Variants in ERO1B observed in about 807,000 individuals in gnomAD.
The protein encoded by ERO1B is endoplasmic reticulum oxidoreductase 1 beta, also known as ERO1-like protein beta.
In ERO1B, 49 loss-of-function variants were observed where a neutral mutation model predicts 75.3. The ratio of observed to expected loss-of-function variants is 0.65; its 90% CI spans 0.52 to 0.83. ERO1B has a LOEUF of 0.83. Ranked by LOEUF, ERO1B falls within the 40% of genes least tolerant of loss-of-function variation. The pLI, the probability that ERO1B is intolerant of heterozygous loss-of-function variation, is 0.00. For synonymous variants in ERO1B, 191 were observed against 192.9 expected (o/e 0.99, Z 0.08); for missense variants, 512 against 560.1 (o/e 0.91, Z 0.87).
intron 9 of ERO1B, among the ~76,000 whole-genome samples, chr1:236,231,613 C>T (rs4534364): frequency 0.052 from 7,888 of 150,744 alleles, 567 homozygotes; most frequent in East Asian, 0.39. Flanking sequence ...GCACTTCCTG[C>T]GTTACCTATC....
chr1:236,240,895 A>G (rs994745176), intron 6 of ERO1B, among the ~76,000 whole-genome samples: 1 of 152,188 alleles, frequency 6.6e-6, no homozygotes, highest in Non-Finnish European at 1.5e-5. Flanking sequence ...AGTGGCTACT[A>G]TCTTACACAG....
In ERO1B at chr1:236,281,942, A is replaced by C. The variant is rs1665848557; in HGVS notation, c.-159T>G. On this transcript the variant is annotated 5_prime_UTR_variant, in exon 1 of 16. Coordinates refer to ENST00000354619, the MANE Select transcript of ERO1B (RefSeq NM_019891.4). ...GGAGGCAGGCGACTCTTTCCCCAAC[A>C]CCCGGCAGCTGCGAGTGAGGCAGGA... The C allele has an allele frequency of 1.1e-4, 44 of 416,538 alleles. No individual in the cohort carries two copies. The highest frequency in any genetic ancestry group is 6.3e-4 in the Middle Eastern group (1 of 1,596). The allele number at this position is 416,538 out of a possible 1,614,324, so 25.8% of individuals were successfully genotyped here. A position where few individuals can be genotyped will look rare whatever the true frequency, so the allele number is the denominator to read the frequency against.
In ERO1B at chr1:236,218,449, A is replaced by G. The variant is rs1004530837; in HGVS notation, c.*67T>C. 1.1e-5 allele frequency: 15 copies of G among 1,340,682 alleles called. No homozygotes were observed. Among genetic ancestry groups the G allele is most frequent in the Non-Finnish European group, 1.5e-5 (15 of 1,032,638 alleles). 83.0% of individuals were successfully genotyped at this position (1,340,682 alleles called of 1,614,324 possible). A position where few individuals can be genotyped will look rare whatever the true frequency, so the allele number is the denominator to read the frequency against. ...AAGTCAGATTAGTGTCTTTCTGATG[A>G]ATGTCCATAATTAAAAGGCTTTCCA... On this transcript the variant is annotated 3_prime_UTR_variant, in exon 16 of 16. Transcript: ENST00000354619.
intron 2 of ERO1B, among the ~76,000 whole-genome samples, chr1:236,253,788 A>G (rs1665096857): frequency 6.6e-6 from 1 of 152,232 alleles, no homozygotes; most frequent in Non-Finnish European, 1.5e-5. Flanking sequence ...CATTTATTCA[A>G]CAAATAAGAA....
chr1:236,227,523 A>G (rs751726217), intron 10 of ERO1B, among the ~76,000 whole-genome samples: 2 of 152,238 alleles, frequency 1.3e-5, no homozygotes, highest in Non-Finnish European at 2.9e-5. Context: ...TTAAGATGGT[A>G]AATTCTTAAA....
In ERO1B at chr1:236,220,952, C is replaced by A. The variant is rs1386561139; in HGVS notation, c.1223G>T (p.Gly408Val). Residue 408 changes from glycine to valine, a missense_variant, in exon 15 of 16, where the codon GGA becomes GTA. Physicochemically the swap from Gly to Val is moderately radical, Grantham distance 109. Coordinates refer to ENST00000354619, the MANE Select transcript of ERO1B (RefSeq NM_019891.4). ...LWGKLQTQGL[G>V]TALKILFSEK... The stretch of plus-strand genomic sequence containing the variant: ...AGAGAATAATATCTTCAGGGCAGTT[C>A]CTAAACCCTGAGTCTAAAGAAAATA... 2 of 1,560,794 alleles carry A rather than the reference C, an allele frequency of 1.3e-6. No individual in the cohort carries two copies. The highest frequency in any genetic ancestry group is 1.4e-5 in the African/African-American group (1 of 72,372).
In ERO1B at chr1:236,215,928, A is replaced by T. The variant is rs1343875991; in HGVS notation, c.*2588T>A. 1 of 151,864 alleles carries T rather than the reference A, an allele frequency of 6.6e-6. No homozygotes were observed. 9.4% of individuals were successfully genotyped at this position (151,864 alleles called of 1,614,324 possible). ...GGCAGAGTTTCATATACATACAGAGATTACAAATATCGAATAATTCACAAT... is the reference window on the plus strand; with the variant it reads ...GGCAGAGTTTCATATACATACAGAGTTTACAAATATCGAATAATTCACAAT... On this transcript the variant is annotated 3_prime_UTR_variant, in exon 16 of 16. Coordinates refer to ENST00000354619, the MANE Select transcript of ERO1B (RefSeq NM_019891.4).
Position 236,239,825 on chromosome 1 carries a change from G to GTATATATATGTA in ERO1B, c.506-3428_506-3427insTACATATATATA, listed in dbSNP as rs1393984592. Among the ~76,000 whole-genome samples the GTATATATATGTA allele has an allele frequency of 6.1e-4, 31 of 50,810 alleles. 2 individuals carry two copies. Among genetic ancestry groups the GTATATATATGTA allele is most frequent in the Non-Finnish European group, 9.9e-4 (16 of 16,188 alleles). 33.3% of individuals were successfully genotyped at this position (50,810 alleles called of 152,430 possible). The stretch of plus-strand genomic sequence containing the variant: ...TATATATGTGTGTATATATATATGT[G>GTATATATATGTA]TATATATATGTGTATATATATATGT... On this transcript the variant is annotated intron_variant, in intron 6 of 15. Transcript: ENST00000354619.
intron 10 of ERO1B, among the ~76,000 whole-genome samples, chr1:236,229,815 T>C (rs911700537): frequency 6.6e-6 from 1 of 152,214 alleles, no homozygotes; most frequent in African/African-American, 2.4e-5. Flanking sequence ...GTGGCAAATA[T>C]GTTTCGAATC....
intron 2 of ERO1B, among the ~76,000 whole-genome samples, chr1:236,255,996 C>G (rs909755490): frequency 6.6e-6 from 1 of 152,208 alleles, no homozygotes; most frequent in African/African-American, 2.4e-5. Context: ...TGGCCTCTAA[C>G]AAGCCAGTAT....
chr1:236,281,600 C>G (rs7368497), intron 1 of ERO1B, 82 bp downstream of exon 1: 147 of 580,198 alleles, frequency 2.5e-4, no homozygotes, highest in Non-Finnish European at 3.1e-4. Flanking sequence ...GCCCGGCCCT[C>G]CCCGCGTCAC....
intron 2 of ERO1B, among the ~76,000 whole-genome samples, chr1:236,269,480 G>A (rs1345865626): frequency 6.6e-6 from 1 of 152,100 alleles, no homozygotes; most frequent in Non-Finnish European, 1.5e-5. Context: ...CTCAGAAAGA[G>A]GTCCAACAAA....
At chr1:236,239,955 A>G (rs1572042702) in intron 6 of ERO1B, among the ~76,000 whole-genome samples, 1 of 137,688 alleles carries the variant, frequency 7.3e-6, no homozygotes, top group African/African-American at 2.7e-5. Flanking sequence ...AGCAGTGGGG[A>G]GTGCAATGGC....
intron 6 of ERO1B, among the ~76,000 whole-genome samples, chr1:236,242,297 CTA>C (rs1664729956): frequency 6.6e-6 from 1 of 152,148 alleles, no homozygotes; most frequent in South Asian, 2.1e-4. Context: ...AAATAAATGA[CTA>C]TGAGTGTTAA....
chr1:236,219,680 T>A (rs541625709), intron 15 of ERO1B, among the ~76,000 whole-genome samples: 8 of 152,104 alleles, frequency 5.3e-5, no homozygotes, highest in African/African-American at 1.9e-4. Flanking sequence ...TCAACCTACA[T>A]AGTCATCTTT....
chr1:236,248,580 T>A (rs958361137), intron 5 of ERO1B, among the ~76,000 whole-genome samples: 2 of 152,126 alleles, frequency 1.3e-5, no homozygotes, highest in African/African-American at 2.4e-5. Flanking sequence ...AAAGAATAAA[T>A]CTGTGTTTCA....
rs1558510829 is a variant in ERO1B, at chr1:236,239,825, G to GTGTATA, written c.506-3428_506-3427insTATACA. 1.2e-3 allele frequency among the ~76,000 whole-genome samples: 59 copies of GTGTATA among 50,848 alleles called. No homozygotes were observed. In the East Asian group the frequency reaches 0.025, roughly 22 times the overall value. 33.4% of individuals were successfully genotyped at this position (50,848 alleles called of 152,430 possible). A position where few individuals can be genotyped will look rare whatever the true frequency, so the allele number is the denominator to read the frequency against. On this transcript the variant is annotated intron_variant, in intron 6 of 15. Transcript: ENST00000354619. ...TATATATGTGTGTATATATATATGT[G>GTGTATA]TATATATATGTGTATATATATATGT...
intron 10 of ERO1B, among the ~76,000 whole-genome samples, chr1:236,229,691 C>A (rs1404424365): frequency 6.6e-6 from 1 of 152,058 alleles, no homozygotes; most frequent in Non-Finnish European, 1.5e-5. Context: ...TTCACCTTTC[C>A]ATTAATAGCA....
intron 4 of ERO1B, among the ~76,000 whole-genome samples, chr1:236,250,524 T>G (rs944452234): frequency 6.8e-6 from 1 of 146,894 alleles, no homozygotes; most frequent in Non-Finnish European, 1.5e-5. Flanking sequence ...CACTGATGTG[T>G]TGGTGATATC....
Sources: gnomAD v4.1 joint callset for allele counts (sites outside exome capture counted in the v4.1 genomes callset) on GRCh38, gnomAD v4.1.1 for gene constraint, MANE v1.5 for transcripts, NCBI Gene and HGNC (gene_info 2026-07-23, HGNC 2026-07-21) for gene names.